LILRA1: variants seen among roughly 807,000 people sequenced by gnomAD.
LILRA1 encodes the protein leukocyte immunoglobulin like receptor A1.
A neutral mutation model predicts 51.6 loss-of-function variants in LILRA1; 51 were observed. That is an observed-to-expected ratio of 0.99 (90% CI 0.79 to 1.25). LILRA1 has a LOEUF of 1.25. LILRA1 is among the 50% of genes most tolerant of loss of function. The pLI, the probability that LILRA1 is intolerant of heterozygous loss-of-function variation, is 0.00. For missense variants in LILRA1, 660 were observed against 611.7 expected (o/e 1.08, Z -0.83); for synonymous variants, 305 against 248.4 (o/e 1.23, Z -2.14).
Position 54,598,941 on chromosome 19 carries a change from G to A in LILRA1, c.1262-295G>A, listed in dbSNP as rs377361042. Among the ~76,000 whole-genome samples, 1,231 of 151,870 alleles carry A rather than the reference G, an allele frequency of 8.1e-3. 14 individuals are homozygous for A. Among genetic ancestry groups the A allele is most frequent in the African/African-American group, 0.024 (981 of 41,390 alleles). On this transcript the variant is annotated intron_variant, in intron 7 of 9. Transcript: ENST00000251372. ...CTCCCGAGTAGCTGGGATTACAGGC[G>A]CCCGCCACCATGCCCCGCTAATTTT...
In LILRA1 at chr19:54,600,667, A is replaced by G. The variant is rs773307200; in HGVS notation, c.1352-32A>G. 6.2e-6 allele frequency: 10 copies of G among 1,613,088 alleles called. No homozygotes were observed. In the East Asian group the frequency reaches 1.8e-4, roughly 29 times the overall value. ...TCCTGGGTGAAGTTGATCTGCCCTG[A>G]CCTCTGTGACCTCTTTGCCCACCAT... is the stretch of plus-strand genomic sequence containing the variant. On this transcript the variant is annotated intron_variant, in intron 9 of 9. Coordinates refer to ENST00000251372, the MANE Select transcript of LILRA1 (RefSeq NM_006863.4).
intron 7 of LILRA1, among the ~76,000 whole-genome samples, chr19:54,596,961 C>A (rs1241766392): frequency 6.6e-6 from 1 of 152,046 alleles, no homozygotes; most frequent in Non-Finnish European, 1.5e-5. Flanking sequence ...GGGCCTCCCA[C>A]CCCTGGCTCC....
chr19:54,600,461 G>A, intron 8 of LILRA1, 51 bp from the exon 9 acceptor site: 1 of 1,592,910 alleles, frequency 6.3e-7, no homozygotes, highest in Non-Finnish European at 8.6e-7. Context: ...AGAATGCAGA[G>A]CCCAGGGGAG....
intron 3 of LILRA1, 50 bp from the exon 4 acceptor site, chr19:54,594,610 CTGAGA>C: frequency 1.2e-6 from 2 of 1,607,014 alleles, no homozygotes; most frequent in Non-Finnish European, 1.7e-6. Context: ...GGGCTGAGAG[CTGAGA>C]TATGTTGGGT....
chr19:54,599,553 T>A (rs2063128859), intron 8 of LILRA1: 11 of 1,149,828 alleles, frequency 9.6e-6, no homozygotes, highest in Non-Finnish European at 1.2e-5. Flanking sequence ...CTGTTCTAAC[T>A]GCTTTTCAAT....
In LILRA1 at chr19:54,602,019, C is replaced by T. The variant is rs1211500447; in HGVS notation, c.*1202C>T. On this transcript the variant is annotated 3_prime_UTR_variant, in exon 10 of 10. Transcript: ENST00000251372. ...AGGGAGCAGCTATTTGCCATCTACC[C>T]TCCAGAATAAAGAAATCTTATCATT... 2.0e-5 allele frequency: 3 copies of T among 152,334 alleles called. No individual in the cohort carries two copies. The East Asian group carries it at 5.8e-4, about 29-fold the overall frequency. 9.4% of individuals were successfully genotyped at this position (152,334 alleles called of 1,614,324 possible). A position where few individuals can be genotyped will look rare whatever the true frequency, so the allele number is the denominator to read the frequency against.
At chr19:54,595,504 T>C in intron 5 of LILRA1, 102 bp downstream of exon 5, 1 of 1,540,632 alleles carries the variant, frequency 6.5e-7, no homozygotes, top group Non-Finnish European at 8.7e-7. Context: ...TGGGATGATG[T>C]TGGGGCGAGA....
intron 4 of LILRA1, 24 bp downstream of exon 4, chr19:54,594,976 A>C (rs1194597839): frequency 6.2e-7 from 1 of 1,612,556 alleles, no homozygotes. Context: ...GAGGGCTCCC[A>C]GCCCCAGGCT....
At position 54,595,851 on chromosome 19, in the gene LILRA1, G is replaced by A. The variant is rs369975962; in HGVS notation, c.874G>A (p.Gly292Arg). 2.2e-5 allele frequency: 35 copies of A among 1,614,002 alleles called. No homozygotes were observed. Among genetic ancestry groups the A allele is most frequent in the South Asian group, 4.4e-5 (4 of 91,086 alleles). Residue 292 changes from glycine (G) to arginine (R), a missense_variant, in exon 6 of 10, where the codon GGG (glycine) becomes AGG (arginine). Transcript: ENST00000251372. Reference protein sequence around the residue: ...FTLGPVSRSYGGQYRCSGAYN... With the variant: ...FTLGPVSRSYRGQYRCSGAYN... The stretch of plus-strand genomic sequence containing the variant: ...CCTGGGCCCTGTGAGCCGCTCCTAC[G>A]GGGGCCAGTACAGATGCTCCGGTGC...
At position 54,598,905 on chromosome 19, in the gene LILRA1, C is replaced by T. The variant is rs1195628662; in HGVS notation, c.1262-331C>T. ...CCGTCTTCCAGTTTCAAGCAATTCT[C>T]CTGCCTCAGCCTCCCGAGTAGCTGG... On this transcript the variant is annotated intron_variant, in intron 7 of 9. Coordinates refer to ENST00000251372, the MANE Select transcript of LILRA1 (RefSeq NM_006863.4). 3.3e-5 allele frequency among the ~76,000 whole-genome samples: 5 copies of T among 152,284 alleles called. No individual in the cohort carries two copies. In the South Asian group the frequency reaches 6.2e-4, roughly 19 times the overall value.
chr19:54,594,552 G>A (rs965494161), intron 3 of LILRA1, 76 bp downstream of exon 3: 16 of 1,613,672 alleles, frequency 9.9e-6, no homozygotes, highest in African/African-American at 6.7e-5. Context: ...AGCTGGGGAT[G>A]GGGAATAGCA....
chr19:54,596,696 C>T (rs1437715265), intron 7 of LILRA1, among the ~76,000 whole-genome samples: 1 of 152,044 alleles, frequency 6.6e-6, no homozygotes, highest in South Asian at 2.1e-4. Flanking sequence ...TGAACCCCGT[C>T]TCCACTAAAA....
Position 54,598,042 on chromosome 19 carries a change from CTG to C in LILRA1, c.1262-1191_1262-1190del, listed in dbSNP as rs1415616455. Among the ~76,000 whole-genome samples the C allele has an allele frequency of 2.7e-5, 4 of 150,790 alleles. No homozygotes were observed. The South Asian group carries it at 8.6e-4, about 32-fold the overall frequency. On this transcript the variant is annotated intron_variant, in intron 7 of 9. Transcript: ENST00000251372. Reference sequence around the variant, plus strand: ...ACCACAGTCAGATCCCACCAAGGCTCTGTGCTCAGGGCACCCGGAGACTAAGG... The same window carrying C: ...ACCACAGTCAGATCCCACCAAGGCTCTGCTCAGGGCACCCGGAGACTAAGG...
In LILRA1 at chr19:54,594,745, G is replaced by A; in HGVS notation, c.151G>A (p.Gly51Arg). The A allele has an allele frequency of 1.2e-6, 2 of 1,614,102 alleles. No homozygotes were observed. The highest frequency in any genetic ancestry group is 1.7e-6 in the Non-Finnish European group (2 of 1,179,976). ...GAGTCCCGTGACCCTCTGGTGTCAGGGGATCCTGGAGACCCAGGAGTACCG... is the reference window on the plus strand; with the variant it reads ...GAGTCCCGTGACCCTCTGGTGTCAGAGGATCCTGGAGACCCAGGAGTACCG... ...QGSPVTLWCQ[G>R]ILETQEYRLY... Residue 51 changes from glycine to arginine, a missense_variant, in exon 4 of 10, where the codon GGG becomes AGG. Transcript: ENST00000251372.
chr19:54,599,651 A>G (rs1195467759), intron 8 of LILRA1: 4 of 902,070 alleles, frequency 4.4e-6, no homozygotes, highest in Non-Finnish European at 5.6e-6. Context: ...ATGTGCCAAT[A>G]TTTCTCACTT....
chr19:54,597,687 C>CTCTCATT (rs1032422981), intron 7 of LILRA1, among the ~76,000 whole-genome samples: 1 of 151,934 alleles, frequency 6.6e-6, no homozygotes, highest in African/African-American at 2.4e-5. Context: ...CCCTTGGCAG[C>CTCTCATT]TCTCATTTCT....
chr19:54,594,606 A>C, intron 3 of LILRA1, 59 bp from the exon 4 acceptor site: 1 of 1,606,612 alleles, frequency 6.2e-7, no homozygotes, highest in Non-Finnish European at 8.5e-7. Context: ...TCCTGGGCTG[A>C]GAGCTGAGAT....
At position 54,594,848 on chromosome 19, in the gene LILRA1, T is replaced by C. The variant is rs572192724; in HGVS notation, c.254T>C (p.Ile85Thr). ...ATTGTGAAGAAGGGCCAGTTCCCCA[T>C]CCCATCCATCACCTGGGAACACACA... The part of the protein sequence containing the change: ...QEIVKKGQFP[I>T]PSITWEHTGR... Residue 85 changes from isoleucine to threonine, a missense_variant, in exon 4 of 10, where the codon ATC (isoleucine) becomes ACC (threonine). Coordinates refer to ENST00000251372, the MANE Select transcript of LILRA1 (RefSeq NM_006863.4). 1.8e-4 allele frequency: 289 copies of C among 1,614,058 alleles called. 1 individual carries two copies. In the South Asian group the frequency reaches 3.0e-3, roughly 17 times the overall value.
chr19:54,594,225 G>A lies in LILRA1; in HGVS notation c.-20G>A. The A allele has an allele frequency of 6.2e-7, 1 of 1,613,064 alleles. No homozygotes were observed. Among genetic ancestry groups the A allele is most frequent in the Non-Finnish European group, 8.5e-7 (1 of 1,179,604 alleles). ...CGAGGGCTCATCCATCCGCAGAGCA[G>A]GGCAGTGGGAGGAGACGCTATGACC... is the stretch of plus-strand genomic sequence containing the variant. On this transcript the variant is annotated 5_prime_UTR_variant, in exon 2 of 10. Coordinates refer to ENST00000251372, the MANE Select transcript of LILRA1 (RefSeq NM_006863.4).
Sources: gnomAD v4.1 joint callset for allele counts (sites outside exome capture counted in the v4.1 genomes callset) on GRCh38, gnomAD v4.1.1 for gene constraint, MANE v1.5 for transcripts, NCBI Gene and HGNC (gene_info 2026-07-23, HGNC 2026-07-21) for gene names.